GRM3: variants seen among roughly 807,000 people sequenced by gnomAD.
GRM3 encodes metabotropic glutamate receptor 3.
In GRM3, 26 loss-of-function variants were observed where a neutral mutation model predicts 70.5. The observed-to-expected ratio is 0.37, with a 90% CI of 0.27 to 0.51. The LOEUF (loss-of-function observed/expected upper bound fraction) is 0.51. Ranked by LOEUF, GRM3 falls within the 20% of genes least tolerant of loss-of-function variation. The pLI, the probability that GRM3 is intolerant of heterozygous loss-of-function variation, is 0.93. For missense variants in GRM3, 859 were observed against 1,123.8 expected (o/e 0.76, Z 3.37); for synonymous variants, 443 against 434.9 (o/e 1.02, Z -0.23).
chr7:86,725,508 C>G (rs1795571363), intron 1 of GRM3, among the ~76,000 whole-genome samples: 1 of 152,156 alleles, frequency 6.6e-6, no homozygotes, highest in South Asian at 2.1e-4. Context: ...TAGCATCACC[C>G]TCACCACATT....
intron 3 of GRM3, among the ~76,000 whole-genome samples, chr7:86,827,686 G>A (rs1444482917): frequency 2.0e-5 from 3 of 152,038 alleles, no homozygotes; most frequent in South Asian, 2.1e-4. Flanking sequence ...GCTAATTTTA[G>A]TATTTTTAGT....
intron 1 of GRM3, among the ~76,000 whole-genome samples, chr7:86,727,567 CTTTT>C (rs1233630545): frequency 1.3e-5 from 2 of 152,084 alleles, no homozygotes; most frequent in African/African-American, 4.8e-5. Flanking sequence ...GGGCAGAAAC[CTTTT>C]TTTATCTTTA....
chr7:86,803,142 C>G (rs1450622530), intron 3 of GRM3, among the ~76,000 whole-genome samples: 1 of 152,172 alleles, frequency 6.6e-6, no homozygotes, highest in Non-Finnish European at 1.5e-5. Context: ...TCTCAGTCAT[C>G]AAAAAGCAAG....
intron 1 of GRM3, among the ~76,000 whole-genome samples, chr7:86,728,538 C>A (rs1305895424): frequency 1.3e-5 from 2 of 152,182 alleles, no homozygotes; most frequent in East Asian, 3.8e-4. Flanking sequence ...TTAAACCAGG[C>A]AAATCAGGTA....
intron 1 of GRM3, among the ~76,000 whole-genome samples, chr7:86,737,079 T>A (rs1383834773): frequency 1.3e-5 from 2 of 152,090 alleles, no homozygotes; most frequent in African/African-American, 4.8e-5. Context: ...GATCGCTTTA[T>A]AAATGGCCAA....
chr7:86,801,277 G>A (rs540560913), intron 3 of GRM3, among the ~76,000 whole-genome samples: 3 of 151,920 alleles, frequency 2.0e-5, no homozygotes, highest in African/African-American at 4.8e-5. Context: ...CACTATGTTG[G>A]CCAGGCTGAT....
intron 3 of GRM3, among the ~76,000 whole-genome samples, chr7:86,797,426 C>T (rs1797575004): frequency 6.6e-6 from 1 of 152,086 alleles, no homozygotes; most frequent in Non-Finnish European, 1.5e-5. Context: ...GCATTTTGTC[C>T]CTGCCCAAGA....
chr7:86,832,241 T>C (rs1221562350), intron 3 of GRM3, among the ~76,000 whole-genome samples: 3 of 149,220 alleles, frequency 2.0e-5, no homozygotes, highest in South Asian at 2.1e-4. Flanking sequence ...TTCCTGCTTG[T>C]AGCCTTTTTT....
chr7:86,864,320 C>A lies in GRM3; in HGVS notation c.2605C>A (p.Arg869=). 6.2e-7 allele frequency: 1 copy of A among 1,608,984 alleles called. No homozygotes were observed. The highest frequency in any genetic ancestry group is 1.1e-5 in the South Asian group (1 of 90,974). The change falls in exon 6 of 6, where the codon CGG becomes AGG. Residue 869 remains arginine, a synonymous_variant. Coordinates refer to ENST00000361669, the MANE Select transcript of GRM3 (RefSeq NM_000840.3). ...GTATGTGCCAACGGTGTGCAATGGG[C>A]GGGAAGTCCTCGACTCCACCACCTC... The part of the protein sequence containing the change: ...STYVPTVCNG[R]EVLDSTTSSL
chr7:86,761,250 T>C (rs1466769338), intron 1 of GRM3, among the ~76,000 whole-genome samples: 1 of 152,128 alleles, frequency 6.6e-6, no homozygotes, highest in Non-Finnish European at 1.5e-5. Flanking sequence ...CTCTGAGGCT[T>C]TGAGATAGAA....
intron 3 of GRM3, among the ~76,000 whole-genome samples, chr7:86,820,637 T>C (rs1167372060): frequency 6.6e-6 from 1 of 152,154 alleles, no homozygotes; most frequent in Non-Finnish European, 1.5e-5. Flanking sequence ...TAACTTAGAA[T>C]ATCAGCTGAT....
intron 2 of GRM3, among the ~76,000 whole-genome samples, 153 bp downstream of exon 2, chr7:86,765,766 T>C (rs1009586953): frequency 6.6e-6 from 1 of 152,122 alleles, no homozygotes; most frequent in African/African-American, 2.4e-5. Context: ...AATATAGGTT[T>C]GCAGGCAGAA....
intron 1 of GRM3, among the ~76,000 whole-genome samples, chr7:86,727,983 C>A: frequency 6.6e-6 from 1 of 152,222 alleles, no homozygotes; most frequent in African/African-American, 2.4e-5. Flanking sequence ...GTTTGCCAAC[C>A]CATGAGCTAA....
intron 1 of GRM3, among the ~76,000 whole-genome samples, chr7:86,679,788 C>A (rs930555237): frequency 2.0e-5 from 3 of 151,918 alleles, no homozygotes; most frequent in Non-Finnish European, 4.4e-5. Context: ...CCAAAACCTG[C>A]CCGGGGAGGT....
rs536495830 is a variant in GRM3, at chr7:86,839,311, C to T, written c.1797C>T (p.Ile599=). 1.2e-6 allele frequency: 2 copies of T among 1,613,672 alleles called. No individual in the cohort carries two copies. Among genetic ancestry groups the T allele is most frequent in the Admixed American group, 1.7e-5 (1 of 60,022 alleles). The change falls in exon 4 of 6, where the codon ATC becomes ATT. Residue 599 remains isoleucine, a synonymous_variant. Coordinates refer to ENST00000361669, the MANE Select transcript of GRM3 (RefSeq NM_000840.3). The surrounding 1 kb of genome is among the most constrained non-coding windows in gnomAD (Gnocchi z 4.5). ...CATGCATGGTTGTAACTGTTTTTAT[C>T]AAGCACAACAACACACCCTTGGTCA... ...MCTCMVVTVF[I]KHNNTPLVKA... is the part of the protein sequence containing the mutation.
intron 1 of GRM3, among the ~76,000 whole-genome samples, chr7:86,720,421 T>C (rs1246298821): frequency 1.3e-5 from 2 of 151,996 alleles, no homozygotes; most frequent in East Asian, 1.9e-4. Context: ...CATCAGAAGA[T>C]GAATGAAAGT....
intron 1 of GRM3, among the ~76,000 whole-genome samples, chr7:86,705,007 T>C (rs1485131850): frequency 6.6e-6 from 1 of 151,926 alleles, no homozygotes; most frequent in Non-Finnish European, 1.5e-5. Flanking sequence ...AATACTGACA[T>C]AGGCATCTAA....
intron 1 of GRM3, among the ~76,000 whole-genome samples, chr7:86,691,322 G>A (rs1319147787): frequency 2.6e-5 from 4 of 151,936 alleles, no homozygotes; most frequent in Non-Finnish European, 5.9e-5. Context: ...CTCACACACT[G>A]CATTCTCCAT....
chr7:86,779,937 G>A (rs1439411049), intron 2 of GRM3, among the ~76,000 whole-genome samples: 1 of 152,178 alleles, frequency 6.6e-6, no homozygotes, highest in Non-Finnish European at 1.5e-5. Context: ...AATTACACCA[G>A]CTTATAACTA....
Sources: gnomAD v4.1 joint callset for allele counts (sites outside exome capture counted in the v4.1 genomes callset) on GRCh38, gnomAD v4.1.1 for gene constraint, Gnocchi (gnomAD v3.1) non-coding constraint, MANE v1.5 for transcripts, NCBI Gene and HGNC (gene_info 2026-07-23, HGNC 2026-07-21) for gene names.